The following OLA1 variants were observed in gnomAD, a reference collection of about 807,000 sequenced individuals.
OLA1 encodes Obg like ATPase 1, also known as obg-like ATPase 1.
OLA1 carries 14 observed loss-of-function variants against 48.4 expected under a neutral mutation model. The ratio of observed to expected loss-of-function variants is 0.29; its 90% CI spans 0.19 to 0.45. The LOEUF (loss-of-function observed/expected upper bound fraction) is 0.45, where lower values mean the gene tolerates loss of function less well. OLA1 is among the 20% of genes least tolerant of loss of function. The pLI is 1.00. For missense variants in OLA1, 325 were observed against 467.1 expected (o/e 0.70, Z 2.80); for synonymous variants, 127 against 150.4 (o/e 0.84, Z 1.14).
intron 5 of OLA1, among the ~76,000 whole-genome samples, chr2:174,128,679 G>A (rs1186554942): frequency 6.6e-6 from 1 of 150,972 alleles, no homozygotes; most frequent in Non-Finnish European, 1.5e-5. Context: ...GGAGGTTGCA[G>A]TGAGCCGAGA....
intron 4 of OLA1, among the ~76,000 whole-genome samples, chr2:174,207,015 T>G (rs1263476605): frequency 6.6e-6 from 1 of 152,196 alleles, no homozygotes; most frequent in Non-Finnish European, 1.5e-5. Context: ...ATTTAAAACT[T>G]TTAAATGATG....
chr2:174,183,103 C>T (rs887003199), intron 4 of OLA1, among the ~76,000 whole-genome samples: 1 of 151,958 alleles, frequency 6.6e-6, no homozygotes, highest in Admixed American at 6.6e-5. Context: ...TGGGACACTA[C>T]TTCAGCAAAA....
At chr2:174,210,170 G>C (rs1390734177) in intron 4 of OLA1, among the ~76,000 whole-genome samples, 1 of 152,018 alleles carries the variant, frequency 6.6e-6, no homozygotes, top group Non-Finnish European at 1.5e-5. Flanking sequence ...GATGTCATAG[G>C]ATTTCACTTT....
At position 174,078,719 on chromosome 2, in the gene OLA1, T is replaced by C. The variant is rs6727969; in HGVS notation, c.1089+249A>G. Among the ~76,000 whole-genome samples, 40,680 of 151,754 alleles carry C rather than the reference T, an allele frequency of 0.27. 6,916 individuals carry two copies. The highest frequency in any genetic ancestry group is 0.92 in the East Asian group (4,737 of 5,162). ...TTTACAATTACTTAAACCTAATTTA[T>C]TTTATTTTCAATTATAGAAAAAAAC... is the stretch of plus-strand genomic sequence containing the variant. On this transcript the variant is annotated intron_variant, in intron 10 of 10. Coordinates refer to ENST00000284719, the MANE Select transcript of OLA1 (RefSeq NM_013341.5).
intron 1 of OLA1, chr2:174,247,028 T>C (rs556073127): frequency 5.8e-6 from 2 of 345,426 alleles, no homozygotes; most frequent in South Asian, 6.4e-5. Flanking sequence ...AAAAGAGTCA[T>C]TGCTGAGAAG....
chr2:174,182,653 T>C (rs918580963), intron 4 of OLA1, among the ~76,000 whole-genome samples: 29 of 152,304 alleles, frequency 1.9e-4, no homozygotes, highest in South Asian at 1.0e-3. Flanking sequence ...ACAATATAAA[T>C]GTATTACTGT....
At chr2:174,177,951 C>G (rs1392287945) in intron 4 of OLA1, among the ~76,000 whole-genome samples, 1 of 151,786 alleles carries the variant, frequency 6.6e-6, no homozygotes, top group African/African-American at 2.4e-5. Context: ...AAGAATAGAT[C>G]TCAAAAAAAA....
At chr2:174,186,298 T>A (rs1386966233) in intron 4 of OLA1, among the ~76,000 whole-genome samples, 1 of 152,128 alleles carries the variant, frequency 6.6e-6, no homozygotes, top group East Asian at 1.9e-4. Context: ...ACTCTGAATA[T>A]GAAAGGAAAT....
intron 4 of OLA1, among the ~76,000 whole-genome samples, chr2:174,205,235 T>G (rs374705483): frequency 9.2e-5 from 14 of 152,284 alleles, no homozygotes; most frequent in African/African-American, 3.4e-4. Flanking sequence ...CTTTCCCAAA[T>G]GAAATTGTTA....
intron 4 of OLA1, among the ~76,000 whole-genome samples, chr2:174,177,425 T>G (rs999471132): frequency 6.6e-6 from 1 of 152,128 alleles, no homozygotes. Context: ...CAAAAACTCT[T>G]AATTCAACCA....
intron 4 of OLA1, among the ~76,000 whole-genome samples, chr2:174,209,571 A>G (rs949762916): frequency 6.6e-6 from 1 of 152,174 alleles, no homozygotes; most frequent in Non-Finnish European, 1.5e-5. Context: ...GAGAGATTAA[A>G]AACTCGGGCT....
chr2:174,198,965 C>T (rs1687935267), intron 4 of OLA1, among the ~76,000 whole-genome samples: 1 of 152,092 alleles, frequency 6.6e-6, no homozygotes, highest in African/African-American at 2.4e-5. Flanking sequence ...ATGTATTCAT[C>T]ACAATTAAAA....
intron 4 of OLA1, among the ~76,000 whole-genome samples, chr2:174,169,898 T>TA (rs2105404648): frequency 6.6e-6 from 1 of 152,360 alleles, no homozygotes; most frequent in East Asian, 1.9e-4. Context: ...AGGTAAATTT[T>TA]ATCTCAATTT....
At chr2:174,128,447 AGGCTG>A (rs1686096674) in intron 5 of OLA1, among the ~76,000 whole-genome samples, 1 of 151,840 alleles carries the variant, frequency 6.6e-6, no homozygotes, top group Admixed American at 6.6e-5. Context: ...AATAAAATAT[AGGCTG>A]GGCACAGTGG....
At chr2:174,218,571 A>C (rs1386146454) in intron 4 of OLA1, among the ~76,000 whole-genome samples, 1 of 152,226 alleles carries the variant, frequency 6.6e-6, no homozygotes, top group African/African-American at 2.4e-5. Flanking sequence ...ATATACTTTA[A>C]AAAACTACAG....
At chr2:174,124,093 T>A (rs1431087314) in intron 5 of OLA1, among the ~76,000 whole-genome samples, 1 of 152,132 alleles carries the variant, frequency 6.6e-6, no homozygotes, top group East Asian at 1.9e-4. Flanking sequence ...AAGACAAAAT[T>A]GAGCCTATTA....
At chr2:174,191,101 G>A (rs1051859071) in intron 4 of OLA1, among the ~76,000 whole-genome samples, 1 of 152,020 alleles carries the variant, frequency 6.6e-6, no homozygotes, top group African/African-American at 2.4e-5. Context: ...ATTGCTAAGA[G>A]TAGATTTCAA....
intron 4 of OLA1, among the ~76,000 whole-genome samples, chr2:174,179,443 A>T (rs1687484871): frequency 6.6e-6 from 1 of 151,944 alleles, no homozygotes; most frequent in South Asian, 2.1e-4. Context: ...CTAAAGGCTT[A>T]TTTATGGGAA....
At chr2:174,095,089 G>A (rs1240092523) in intron 7 of OLA1, among the ~76,000 whole-genome samples, 1 of 152,090 alleles carries the variant, frequency 6.6e-6, no homozygotes, top group Non-Finnish European at 1.5e-5. Context: ...GCTAGCTGTT[G>A]TAAATAATGC....
Sources: allele counts gnomAD v4.1 joint callset (sites outside exome capture counted in the v4.1 genomes callset), GRCh38; gene constraint gnomAD v4.1.1; transcripts MANE v1.5; gene names NCBI Gene and HGNC (gene_info 2026-07-23, HGNC 2026-07-21).